The following PRRX2 variants were observed in gnomAD, a reference collection of about 807,000 sequenced individuals.
The protein encoded by PRRX2 is paired related homeobox 2.
Under a neutral mutation model 18.0 loss-of-function variants are expected in PRRX2, and 11 were observed. That is an observed-to-expected ratio of 0.61 (90% confidence interval 0.39 to 1.01). The LOEUF (loss-of-function observed/expected upper bound fraction) is 1.01. PRRX2 is among the 50% of genes least tolerant of loss of function. PRRX2 has a pLI of 0.01. For synonymous variants in PRRX2, 177 were observed against 154.8 expected (o/e 1.14, Z -1.06); for missense variants, 387 against 351.0 (o/e 1.10, Z -0.82).
rs2130939509 is a variant in PRRX2, at chr9:129,722,319, C to T, written c.729C>T (p.Ser243=). ...ASLRLKAKEF[S]LHHSQVPTVN ...TCCGTCTCAAGGCCAAGGAGTTCAGCCTGCACCACAGCCAGGTGCCTACGG... is the reference window on the plus strand; with the variant it reads ...TCCGTCTCAAGGCCAAGGAGTTCAGTCTGCACCACAGCCAGGTGCCTACGG... Residue 243 remains serine (S), a synonymous_variant, in exon 4 of 4, where the codon AGC becomes AGT. Transcript: ENST00000372469. The T allele has an allele frequency of 1.2e-6, 2 of 1,614,022 alleles. No individual in the cohort carries two copies. The highest frequency in any genetic ancestry group is 8.5e-7 in the Non-Finnish European group (1 of 1,180,014).
chr9:129,680,764 C>T (rs1469892544), intron 1 of PRRX2, among the ~76,000 whole-genome samples: 1 of 152,192 alleles, frequency 6.6e-6, no homozygotes, highest in Non-Finnish European at 1.5e-5. Context: ...ACCTGGGATC[C>T]CCTCTCTGGA....
In PRRX2 at chr9:129,671,301, G is replaced by T. The variant is rs1014048594; in HGVS notation, c.259+5175G>T. Reference sequence around the variant, plus strand: ...CTGGGCCTCCCAGCGTGGCTAGGGCGGGACAGTGGCCTGCATCTCGGCCTT... The same window carrying T: ...CTGGGCCTCCCAGCGTGGCTAGGGCTGGACAGTGGCCTGCATCTCGGCCTT... On this transcript the variant is annotated intron_variant, in intron 1 of 3. Coordinates refer to ENST00000372469, the MANE Select transcript of PRRX2 (RefSeq NM_016307.4). This position sits in a 1 kb window ranked among gnomAD's most constrained non-coding sequence, Gnocchi z 4.0. Among the ~76,000 whole-genome samples, 1 of 152,208 alleles carries T rather than the reference G, an allele frequency of 6.6e-6. No homozygotes were observed. Among genetic ancestry groups the T allele is most frequent in the African/African-American group, 2.4e-5 (1 of 41,460 alleles).
chr9:129,718,507 G>A (rs1832743750), intron 1 of PRRX2: 1 of 152,300 alleles, frequency 6.6e-6, no homozygotes, highest in Admixed American at 6.5e-5. Context: ...TAGGCCCTCT[G>A]GAAAGGAAGG....
At chr9:129,685,483 G>A (rs10988471) in intron 1 of PRRX2, among the ~76,000 whole-genome samples, 1 of 152,068 alleles carries the variant, frequency 6.6e-6, no homozygotes, top group African/African-American at 2.4e-5. Context: ...TCCCACCTCA[G>A]CCTCCTGAGT....
chr9:129,677,958 CTTTTTTTTTTT>C (rs760645440), intron 1 of PRRX2, among the ~76,000 whole-genome samples: 1 of 113,116 alleles, frequency 8.8e-6, no homozygotes, highest in Non-Finnish European at 1.7e-5. Context: ...TTCTTTCTTT[CTTTTTTTTTTT>C]TTTTTTTTTT....
chr9:129,682,311 G>A (rs192603971), intron 1 of PRRX2, among the ~76,000 whole-genome samples: 27 of 132,960 alleles, frequency 2.0e-4, no homozygotes, highest in Middle Eastern at 3.8e-3. Context: ...AGATGTCCCC[G>A]CCGCTGCTGC....
intron 1 of PRRX2, among the ~76,000 whole-genome samples, chr9:129,706,829 C>G (rs1187764480): frequency 6.6e-6 from 1 of 152,118 alleles, no homozygotes; most frequent in Non-Finnish European, 1.5e-5. Flanking sequence ...CATTTTCATA[C>G]CCCCAAAAGA....
intron 1 of PRRX2, 65 bp downstream of exon 1, chr9:129,666,191 G>C: frequency 1.0e-6 from 1 of 984,474 alleles, no homozygotes; most frequent in Non-Finnish European, 1.2e-6. Flanking sequence ...CGGGGCGCGG[G>C]GTCCGGGGAG....
At chr9:129,698,043 G>A (rs1233227998) in intron 1 of PRRX2, among the ~76,000 whole-genome samples, 1 of 151,988 alleles carries the variant, frequency 6.6e-6, no homozygotes, top group Non-Finnish European at 1.5e-5. Context: ...GCCGGTCCCA[G>A]CTCCGCACCA....
Position 129,673,921 on chromosome 9 carries a change from G to C in PRRX2, c.259+7795G>C, listed in dbSNP as rs547292158. On this transcript the variant is annotated intron_variant, in intron 1 of 3. Transcript: ENST00000372469. Reference sequence around the variant, plus strand: ...GGCTCCCACACTGAGCAGACGAAGAGATGGGGTGCCCGGCGGTCAGCATCC... The same window carrying C: ...GGCTCCCACACTGAGCAGACGAAGACATGGGGTGCCCGGCGGTCAGCATCC... Among the ~76,000 whole-genome samples, 168 of 152,316 alleles carry C rather than the reference G, an allele frequency of 1.1e-3. 6 individuals are homozygous for C. The South Asian group carries it at 0.027, about 25-fold the overall frequency.
intron 1 of PRRX2, among the ~76,000 whole-genome samples, chr9:129,687,093 C>T (rs1394827911): frequency 2.6e-5 from 4 of 152,126 alleles, no homozygotes; most frequent in African/African-American, 9.7e-5. Flanking sequence ...GTGCCCTCCT[C>T]CTACTTGGCT....
intron 1 of PRRX2, among the ~76,000 whole-genome samples, chr9:129,712,285 G>A (rs542438858): frequency 1.6e-4 from 25 of 152,268 alleles, no homozygotes; most frequent in Admixed American, 7.8e-4. Context: ...ACCTCAGCCC[G>A]GGGGTCAGGC....
At position 129,719,346 on chromosome 9, in the gene PRRX2, C is replaced by T. The variant is rs1371010921; in HGVS notation, c.375C>T (p.Arg125=). ...AGGCGCTGGAGCGCGTGTTCGAGCG[C>T]ACGCACTACCCCGACGCCTTTGTGC... is the stretch of plus-strand genomic sequence containing the variant. ...QLQALERVFE[R]THYPDAFVRE... Residue 125 remains arginine, a synonymous_variant, in exon 2 of 4, where the codon CGC becomes CGT. Transcript: ENST00000372469. 3 of 1,592,368 alleles carry T rather than the reference C, an allele frequency of 1.9e-6. No homozygotes were observed. Among genetic ancestry groups the T allele is most frequent in the Non-Finnish European group, 2.6e-6 (3 of 1,170,384 alleles).
Position 129,675,162 on chromosome 9 carries a change from C to G in PRRX2, c.259+9036C>G, listed in dbSNP as rs1341435168. On this transcript the variant is annotated intron_variant, in intron 1 of 3. Coordinates refer to ENST00000372469, the MANE Select transcript of PRRX2 (RefSeq NM_016307.4). This position sits in a 1 kb window ranked among gnomAD's most constrained non-coding sequence, Gnocchi z 4.4. The stretch of plus-strand genomic sequence containing the variant: ...GAAGGGCCCGGAAGTGTCCAGTATA[C>G]AGGAGAGGGAGGGGGCTGCGCTGAG... 6.6e-6 allele frequency among the ~76,000 whole-genome samples: 1 copy of G among 152,174 alleles called. No homozygotes were observed. The highest frequency in any genetic ancestry group is 1.5e-5 in the Non-Finnish European group (1 of 68,020).
Position 129,665,920 on chromosome 9 carries a change from G to GGCC in PRRX2, c.63_65dup (p.Pro24dup), listed in dbSNP as rs761533769. 19 of 1,114,732 alleles carry GGCC rather than the reference G, an allele frequency of 1.7e-5. No homozygotes were observed. The highest frequency in any genetic ancestry group is 1.3e-4 in the South Asian group (5 of 37,208). The allele number at this position is 1,114,732 out of a possible 1,614,324, so 69.1% of individuals were successfully genotyped here. A position where few individuals can be genotyped will look rare whatever the true frequency, so the allele number is the denominator to read the frequency against. On this transcript the variant is annotated inframe_insertion, in exon 1 of 4. Coordinates refer to ENST00000372469, the MANE Select transcript of PRRX2 (RefSeq NM_016307.4). This position sits in a 1 kb window ranked among gnomAD's most constrained non-coding sequence, Gnocchi z 5.3. ...CTGGACAAGCCGGCGCTGGGCCCGG[G>GGCC]GCCGCCGCCGCCTCCACCCGCGCTG...
At position 129,695,530 on chromosome 9, in the gene PRRX2, C is replaced by G. The variant is rs1832410151; in HGVS notation, c.260-23701C>G. 6.6e-6 allele frequency among the ~76,000 whole-genome samples: 1 copy of G among 152,180 alleles called. No homozygotes were observed. Among genetic ancestry groups the G allele is most frequent in the African/African-American group, 2.4e-5 (1 of 41,442 alleles). ...TGTGTTTACCCCCTTTTCAGGCCTG[C>G]TGGGGAAGGGCTCAGTCTTAGCCTG... On this transcript the variant is annotated intron_variant, in intron 1 of 3. Transcript: ENST00000372469. The surrounding 1 kb of genome is among the most constrained non-coding windows in gnomAD (Gnocchi z 4.8).
chr9:129,722,361 C>T lies in PRRX2; in HGVS notation c.*9C>T. 1 of 1,613,166 alleles carries T rather than the reference C, an allele frequency of 6.2e-7. No individual in the cohort carries two copies. The highest frequency in any genetic ancestry group is 8.5e-7 in the Non-Finnish European group (1 of 1,179,692). On this transcript the variant is annotated 3_prime_UTR_variant, in exon 4 of 4. Coordinates refer to ENST00000372469, the MANE Select transcript of PRRX2 (RefSeq NM_016307.4). ...TGCCTACGGTGAACTGAAGTCCAGT[C>T]CCACCAGGACCCAGACGCCTCCCTG...
In PRRX2 at chr9:129,715,795, CATTT is replaced by C. The variant is rs1016619708; in HGVS notation, c.260-3434_260-3431del. On this transcript the variant is annotated intron_variant, in intron 1 of 3. Coordinates refer to ENST00000372469, the MANE Select transcript of PRRX2 (RefSeq NM_016307.4). The surrounding 1 kb of genome is among the most constrained non-coding windows in gnomAD (Gnocchi z 4.0). ...ACACACACACACACACACACACACT[CATTT>C]ACAGTCTCATGGAGCAATTTAACCT... 6.0e-5 allele frequency among the ~76,000 whole-genome samples: 9 copies of C among 149,000 alleles called. No individual in the cohort carries two copies. The highest frequency in any genetic ancestry group is 2.0e-4 in the African/African-American group (8 of 40,446).
intron 1 of PRRX2, among the ~76,000 whole-genome samples, chr9:129,707,739 C>T (rs972288866): frequency 4.0e-5 from 6 of 149,048 alleles, no homozygotes; most frequent in Admixed American, 6.7e-5. Context: ...TGCAGTGAGC[C>T]GAGATCGTGC....
Sources: allele counts gnomAD v4.1 joint callset (sites outside exome capture counted in the v4.1 genomes callset), GRCh38; gene constraint gnomAD v4.1.1; non-coding constraint Gnocchi (gnomAD v3.1); transcripts MANE v1.5; gene names NCBI Gene and HGNC (gene_info 2026-07-23, HGNC 2026-07-21).